DLGAP2: variants seen among roughly 807,000 people sequenced by gnomAD.
DLGAP2 encodes DLG associated protein 2, also known as disks large-associated protein 2.
In DLGAP2, 26 loss-of-function variants were observed where a neutral mutation model predicts 100.3. The observed-to-expected ratio is 0.26, with a 90% confidence interval of 0.19 to 0.36. DLGAP2 has a LOEUF of 0.36. Among genes scored for constraint, DLGAP2 ranks in the 10% least tolerant of loss-of-function variants. DLGAP2 has a pLI of 1.00. For synonymous variants in DLGAP2, 886 were observed against 630.1 expected (o/e 1.41, Z -6.08); for missense variants, 1,858 against 1,453.2 (o/e 1.28, Z -4.53).
At chr8:1,570,615 G>A (rs369493642) in intron 6 of DLGAP2, among the ~76,000 whole-genome samples, 4 of 152,302 alleles carry the variant, frequency 2.6e-5, no homozygotes, top group Admixed American at 6.5e-5. Context: ...CTGTGGAGGC[G>A]TCTGCTGGGA....
chr8:942,430 T>C (rs1164387126), intron 2 of DLGAP2, among the ~76,000 whole-genome samples: 1 of 152,074 alleles, frequency 6.6e-6, no homozygotes, highest in Non-Finnish European at 1.5e-5. Flanking sequence ...AAAACCAGAG[T>C]CCCCACCTGG....
At chr8:1,528,317 T>C (rs1474145772) in intron 4 of DLGAP2, among the ~76,000 whole-genome samples, 1 of 152,106 alleles carries the variant, frequency 6.6e-6, no homozygotes, top group East Asian at 1.9e-4. Context: ...CCACGAACAC[T>C]CCTGGCTCAC....
At chr8:1,050,989 TG>T (rs369309572) in intron 2 of DLGAP2, among the ~76,000 whole-genome samples, 118 of 19,990 alleles carry the variant, frequency 5.9e-3, no homozygotes, top group Non-Finnish European at 6.7e-3. Flanking sequence ...GGTCATTTCG[TG>T]GGTGGGAGTC....
Position 1,701,362 on chromosome 8 carries a change from G to A in DLGAP2, c.3124G>A (p.Asp1042Asn), listed in dbSNP as rs770953630. ...GCAGAATTCCGCCTCCGAGCGCGCG[G>A]ACAGCATCGAGATCTACATCCCCGA... The part of the protein sequence containing the change: ...FRQNSASERA[D>N]SIEIYIPEAQ... The change falls in exon 15 of 15, where the codon GAC becomes AAC. Residue 1042 changes from aspartate (D) to asparagine (N), a missense_variant. Physicochemically the swap from Asp to Asn is conservative, Grantham distance 23. Transcript: ENST00000637795. 1.9e-6 allele frequency: 3 copies of A among 1,598,214 alleles called. No homozygotes were observed. The East Asian group carries it at 6.8e-5, about 36-fold the overall frequency.
Position 1,678,265 on chromosome 8 carries a change from C to A in DLGAP2, c.2340C>A (p.Asp780Glu), listed in dbSNP as rs751461675. 8.7e-6 allele frequency: 14 copies of A among 1,613,788 alleles called. No homozygotes were observed. The highest frequency in any genetic ancestry group is 1.3e-5 in the African/African-American group (1 of 74,928). ...GCGTCACGGCCGCCGTCCAAGCTGACCTGGAGCTGGAGGGGTTCCCAGGCC... is the reference window on the plus strand; with the variant it reads ...GCGTCACGGCCGCCGTCCAAGCTGAACTGGAGCTGGAGGGGTTCCCAGGCC... Reference protein sequence around the residue: ...SNSVTAAVQADLELEGFPGHI... With the variant: ...SNSVTAAVQAELELEGFPGHI... Residue 780 changes from aspartate (D) to glutamate (E), a missense_variant, in exon 12 of 15, where the codon GAC (aspartate) becomes GAA (glutamate). Transcript: ENST00000637795.
At chr8:784,144 T>C (rs1821776302) in intron 1 of DLGAP2, among the ~76,000 whole-genome samples, 1 of 152,248 alleles carries the variant, frequency 6.6e-6, no homozygotes, top group Non-Finnish European at 1.5e-5. Context: ...TATTAGTGAA[T>C]TGGGAAAAAT....
intron 2 of DLGAP2, among the ~76,000 whole-genome samples, chr8:1,133,159 A>G (rs551080547): frequency 6.6e-6 from 1 of 152,186 alleles, no homozygotes; most frequent in Non-Finnish European, 1.5e-5. Context: ...CTATTGTTTT[A>G]GGTGATTACC....
At chr8:826,799 G>C (rs1410131350) in intron 1 of DLGAP2, among the ~76,000 whole-genome samples, 2 of 152,106 alleles carry the variant, frequency 1.3e-5, no homozygotes, top group East Asian at 3.8e-4. Context: ...GCTACGTTTG[G>C]GATTTCTTCT....
chr8:868,544 C>T (rs368079229), intron 1 of DLGAP2, among the ~76,000 whole-genome samples: 9 of 152,340 alleles, frequency 5.9e-5, no homozygotes, highest in South Asian at 2.1e-4. Flanking sequence ...TGACCGGAGA[C>T]GGTGATGTGT....
intron 8 of DLGAP2, among the ~76,000 whole-genome samples, chr8:1,665,310 T>G (rs1303208481): frequency 6.6e-6 from 1 of 152,216 alleles, no homozygotes; most frequent in African/African-American, 2.4e-5. Context: ...AAACACATAA[T>G]GAGCCAAGGT....
chr8:1,619,468 T>G (rs954679079), intron 6 of DLGAP2, among the ~76,000 whole-genome samples: 76 of 152,250 alleles, frequency 5.0e-4, no homozygotes, highest in African/African-American at 1.8e-3. Context: ...TCTGTTTCAT[T>G]TCTATGTAAG....
intron 3 of DLGAP2, among the ~76,000 whole-genome samples, chr8:1,469,599 T>G (rs1427299659): frequency 6.6e-6 from 1 of 152,190 alleles, no homozygotes; most frequent in Non-Finnish European, 1.5e-5. Context: ...ATTCGTATTT[T>G]CACTGGCAGC....
chr8:1,039,457 G>C (rs557407396), intron 2 of DLGAP2, among the ~76,000 whole-genome samples: 27 of 147,540 alleles, frequency 1.8e-4, no homozygotes, highest in Admixed American at 6.1e-4. Flanking sequence ...TGGTTGGCTC[G>C]GTATGCATGT....
intron 2 of DLGAP2, among the ~76,000 whole-genome samples, chr8:971,746 C>A (rs797006815): frequency 2.0e-5 from 3 of 152,240 alleles, no homozygotes; most frequent in African/African-American, 7.2e-5. Flanking sequence ...GGCCTGCCCT[C>A]AATAGAAATC....
intron 12 of DLGAP2, among the ~76,000 whole-genome samples, chr8:1,682,477 G>GTT (rs1443545296): frequency 8.0e-6 from 1 of 125,154 alleles, no homozygotes; most frequent in African/African-American, 3.4e-5. Context: ...AGGATATATA[G>GTT]TATTTTTTTT....
At chr8:1,309,005 A>G (rs1324089759) in intron 3 of DLGAP2, among the ~76,000 whole-genome samples, 1 of 152,168 alleles carries the variant, frequency 6.6e-6, no homozygotes, top group Admixed American at 6.5e-5. Context: ...TTGAGCAGGT[A>G]GAGGAAAGTG....
At chr8:760,129 C>G (rs1585833605) in intron 1 of DLGAP2, among the ~76,000 whole-genome samples, 1 of 152,180 alleles carries the variant, frequency 6.6e-6, no homozygotes, top group Admixed American at 6.5e-5. Context: ...TCTTTCTTGT[C>G]CTTCCTGGAA....
At position 1,496,396 on chromosome 8, in the gene DLGAP2, G is replaced by C. The variant is rs1799547926; in HGVS notation, c.107-4970G>C. On this transcript the variant is annotated intron_variant, in intron 3 of 14. Coordinates refer to ENST00000637795, the MANE Select transcript of DLGAP2 (RefSeq NM_001346810.2). ...GTATGCGCTCTGCCTCTCTGGTGCT[G>C]ATTTCCTCACTTTCTGGAAGGTGTT... Among the ~76,000 whole-genome samples, 3 of 152,146 alleles carry C rather than the reference G, an allele frequency of 2.0e-5. No individual in the cohort carries two copies. In the South Asian group the frequency reaches 6.2e-4, roughly 32 times the overall value.
At chr8:1,450,853 A>G (rs377761471) in intron 3 of DLGAP2, among the ~76,000 whole-genome samples, 21 of 152,210 alleles carry the variant, frequency 1.4e-4, no homozygotes, top group African/African-American at 4.3e-4. Flanking sequence ...GAACAAAATC[A>G]TAATATTTAT....
Sources: allele counts gnomAD v4.1 joint callset (sites outside exome capture counted in the v4.1 genomes callset), GRCh38; gene constraint gnomAD v4.1.1; transcripts MANE v1.5; gene names NCBI Gene and HGNC (gene_info 2026-07-23, HGNC 2026-07-21).